Variants in NR3C2 observed in about 807,000 individuals in gnomAD.
The protein encoded by NR3C2 is mineralocorticoid receptor.
NR3C2 carries 15 observed loss-of-function variants against 86.4 expected under a neutral mutation model. The ratio of observed to expected loss-of-function variants is 0.17; its 90% CI spans 0.12 to 0.27. The LOEUF is 0.27. Among genes scored for constraint, NR3C2 ranks in the 10% least tolerant of loss-of-function variants. The pLI is 1.00. For missense variants in NR3C2, 960 were observed against 1,195.6 expected (o/e 0.80, Z 2.91); for synonymous variants, 458 against 450.5 (o/e 1.02, Z -0.21).
At chr4:148,136,521 C>T (rs577665687) in intron 6 of NR3C2, among the ~76,000 whole-genome samples, 97 of 152,260 alleles carry the variant, frequency 6.4e-4, no homozygotes, top group Non-Finnish European at 1.2e-3. Context: ...CAGCATCTCA[C>T]GCCTGGATTG....
At chr4:148,131,467 C>A (rs975817451) in intron 6 of NR3C2, among the ~76,000 whole-genome samples, 5 of 152,096 alleles carry the variant, frequency 3.3e-5, no homozygotes, top group African/African-American at 7.2e-5. Context: ...TAAAAATGAC[C>A]CCAATTTGAA....
intron 8 of NR3C2, among the ~76,000 whole-genome samples, chr4:148,107,480 G>C (rs930663396): frequency 1.3e-5 from 2 of 152,134 alleles, no homozygotes; most frequent in Admixed American, 1.3e-4. Context: ...ATTTGACTCA[G>C]CAATCCCATT....
At chr4:148,257,230 T>C (rs936000060) in intron 3 of NR3C2, among the ~76,000 whole-genome samples, 9 of 152,174 alleles carry the variant, frequency 5.9e-5, no homozygotes, top group African/African-American at 2.2e-4. Flanking sequence ...TTAGTAAATA[T>C]TTAAATATAC....
intron 2 of NR3C2, among the ~76,000 whole-genome samples, chr4:148,267,763 G>A (rs1046910434): frequency 1.3e-5 from 2 of 151,878 alleles, no homozygotes; most frequent in African/African-American, 2.4e-5. Flanking sequence ...CTAAATCTAA[G>A]AAACAGAAGG....
chr4:148,240,554 C>T (rs1012009938), intron 3 of NR3C2, among the ~76,000 whole-genome samples: 2 of 152,094 alleles, frequency 1.3e-5, no homozygotes, highest in African/African-American at 4.8e-5. Context: ...TTTCAACAGG[C>T]TCATGCCAGA....
At chr4:148,444,930 C>A, upstream of NR3C2, 1 of 984,996 alleles carries the variant, frequency 1.0e-6, no homozygotes, top group African/African-American at 1.7e-5. Flanking sequence ...CTCCCCGGGC[C>A]CTGGGTGGCC....
At chr4:148,329,941 C>T (rs935060610) in intron 2 of NR3C2, among the ~76,000 whole-genome samples, 1 of 152,172 alleles carries the variant, frequency 6.6e-6, no homozygotes, top group Non-Finnish European at 1.5e-5. Context: ...ATCACTTGAG[C>T]AGTTCCATGT....
Position 148,442,313 on chromosome 4 carries a change from C to T in NR3C2, c.-156G>A, listed in dbSNP as rs1384055811. The T allele has an allele frequency of 6.6e-6, 1 of 152,562 alleles. No individual in the cohort carries two copies. Among genetic ancestry groups the T allele is most frequent in the Non-Finnish European group, 1.5e-5 (1 of 68,274 alleles). 9.5% of individuals were successfully genotyped at this position (152,562 alleles called of 1,614,324 possible). A position where few individuals can be genotyped will look rare whatever the true frequency, so the allele number is the denominator to read the frequency against. On this transcript the variant is annotated 5_prime_UTR_variant, in exon 1 of 9. Coordinates refer to ENST00000358102, the MANE Select transcript of NR3C2 (RefSeq NM_000901.5). ...CGGGAGAGCCCGAGGCAGCAACGCT[C>T]TTGCACCCAGGTGACTGACTGCACG...
intron 3 of NR3C2, among the ~76,000 whole-genome samples, chr4:148,258,768 C>A (rs1739949974): frequency 6.6e-6 from 1 of 152,218 alleles, no homozygotes; most frequent in Non-Finnish European, 1.5e-5. Context: ...GGCTTAAGAC[C>A]ATGGCTTGCC....
chr4:148,380,876 T>C (rs545316888), intron 2 of NR3C2, among the ~76,000 whole-genome samples: 10 of 152,268 alleles, frequency 6.6e-5, no homozygotes, highest in South Asian at 2.1e-4. Flanking sequence ...CAAAAAACCA[T>C]AATATTTAAA....
At chr4:148,280,879 G>C (rs11931989) in intron 2 of NR3C2, among the ~76,000 whole-genome samples, 2,043 of 152,260 alleles carry the variant, frequency 0.013, 42 homozygotes, top group African/African-American at 0.047. Flanking sequence ...AAAGCTAACA[G>C]TCACAGATTA....
chr4:148,207,010 C>A (rs907242076), intron 3 of NR3C2, among the ~76,000 whole-genome samples: 4 of 152,034 alleles, frequency 2.6e-5, no homozygotes, highest in Non-Finnish European at 4.4e-5. Context: ...CAGCCTTGAT[C>A]TTCCAGCCTC....
At chr4:148,384,982 G>T in intron 2 of NR3C2, among the ~76,000 whole-genome samples, 1 of 152,162 alleles carries the variant, frequency 6.6e-6, no homozygotes, top group Non-Finnish European at 1.5e-5. Context: ...TAGAAAGTAT[G>T]TCCTAGATCT....
At chr4:148,104,332 T>TTTTTGTTTGTTTTGG (rs1426823274) in intron 8 of NR3C2, among the ~76,000 whole-genome samples, 5 of 142,560 alleles carry the variant, frequency 3.5e-5, no homozygotes, top group South Asian at 4.4e-4. Flanking sequence ...TTTTTTTGTG[T>TTTTTGTTTGTTTTGG]TTTGGTTTGG....
At chr4:148,230,791 A>G (rs1018305581) in intron 3 of NR3C2, among the ~76,000 whole-genome samples, 1 of 152,226 alleles carries the variant, frequency 6.6e-6, no homozygotes, top group Non-Finnish European at 1.5e-5. Context: ...TTTCACACAC[A>G]AAACAGGAGA....
chr4:148,341,944 C>A (rs1744768373), intron 2 of NR3C2, among the ~76,000 whole-genome samples: 1 of 152,134 alleles, frequency 6.6e-6, no homozygotes, highest in Non-Finnish European at 1.5e-5. Context: ...TCAAAAACAA[C>A]TGACAAGCAA....
At chr4:148,163,432 T>C (rs1208891568) in intron 4 of NR3C2, among the ~76,000 whole-genome samples, 1 of 152,196 alleles carries the variant, frequency 6.6e-6, no homozygotes, top group Non-Finnish European at 1.5e-5. Context: ...AAATCCCTTA[T>C]ATTTATATGT....
chr4:148,178,761 T>G (rs1271939925), intron 4 of NR3C2, among the ~76,000 whole-genome samples: 1 of 151,378 alleles, frequency 6.6e-6, no homozygotes, highest in East Asian at 1.9e-4. Context: ...GACCAGTTAA[T>G]CTGGACCCTC....
chr4:148,129,652 G>C (rs1304236564), intron 6 of NR3C2, among the ~76,000 whole-genome samples: 1 of 152,162 alleles, frequency 6.6e-6, no homozygotes, highest in African/African-American at 2.4e-5. Context: ...CTAGAGTGCA[G>C]TGGCACGATC....
Sources: allele counts gnomAD v4.1 joint callset (sites outside exome capture counted in the v4.1 genomes callset), GRCh38; gene constraint gnomAD v4.1.1; transcripts MANE v1.5; gene names NCBI Gene and HGNC (gene_info 2026-07-23, HGNC 2026-07-21).